FAM13B: variants seen among roughly 807,000 people sequenced by gnomAD.
The protein encoded by FAM13B is family with sequence similarity 13 member B, also known as protein FAM13B.
A neutral mutation model predicts 117.3 loss-of-function variants in FAM13B; 60 were observed. The observed-to-expected ratio is 0.51, with a 90% CI of 0.42 to 0.63. The LOEUF (loss-of-function observed/expected upper bound fraction) is 0.63. Ranked by LOEUF, FAM13B falls within the 30% of genes least tolerant of loss-of-function variation. The pLI is 0.00. For missense variants in FAM13B, 972 were observed against 1,091.9 expected (o/e 0.89, Z 1.55); for synonymous variants, 332 against 356.1 (o/e 0.93, Z 0.76).
intron 10 of FAM13B, among the ~76,000 whole-genome samples, chr5:137,974,001 T>C (rs1475121910): frequency 2.1e-5 from 3 of 139,684 alleles, no homozygotes; most frequent in Non-Finnish European, 3.1e-5. Context: ...TTTTACACTG[T>C]TGGTGGGACT....
chr5:137,941,084 T>C (rs958942267), intron 23 of FAM13B, among the ~76,000 whole-genome samples: 4 of 152,066 alleles, frequency 2.6e-5, no homozygotes, highest in African/African-American at 9.7e-5. Flanking sequence ...TTTTTTTGTA[T>C]TTTTCGGTAG....
intron 11 of FAM13B, 134 bp downstream of exon 11, chr5:137,962,271 A>G (rs1309692558): frequency 5.8e-6 from 4 of 685,978 alleles, no homozygotes; most frequent in East Asian, 5.5e-5. Flanking sequence ...GCCTACCATT[A>G]TAACAAGAAG....
chr5:138,024,195 G>C (rs1787545907), intron 1 of FAM13B, among the ~76,000 whole-genome samples: 1 of 151,828 alleles, frequency 6.6e-6, no homozygotes, highest in African/African-American at 2.4e-5. Context: ...CTGGAAATAA[G>C]GTCTTTGCAG....
chr5:137,993,460 A>T (rs1779136115), intron 7 of FAM13B, among the ~76,000 whole-genome samples: 1 of 151,858 alleles, frequency 6.6e-6, no homozygotes, highest in Non-Finnish European at 1.5e-5. Context: ...AACCGCATCT[A>T]TTTTTTTAAT....
At chr5:137,979,233 G>A (rs1055588981) in intron 10 of FAM13B, among the ~76,000 whole-genome samples, 9 of 152,034 alleles carry the variant, frequency 5.9e-5, no homozygotes, top group East Asian at 3.9e-4. Flanking sequence ...GGCTGGTCTC[G>A]AACTCCTGAC....
rs561931272 is a variant in FAM13B at position 137,986,314 on chromosome 5, T to A, written c.1047-925A>T. Among the ~76,000 whole-genome samples, 8 of 152,168 alleles carry A rather than the reference T, an allele frequency of 5.3e-5. No homozygotes were observed. In the South Asian group the frequency reaches 1.4e-3, roughly 28 times the overall value. On this transcript the variant is annotated intron_variant, in intron 9 of 23. Coordinates refer to ENST00000689681, the MANE Select transcript of FAM13B (RefSeq NM_001385994.1). ...TTTTCATTTTATATTTGATAGCTATTCTAGTTAGCCCTTTTAAAAACTGTC... is the reference window on the plus strand; with the variant it reads ...TTTTCATTTTATATTTGATAGCTATACTAGTTAGCCCTTTTAAAAACTGTC...
At chr5:137,997,842 C>G (rs1258806728) in intron 7 of FAM13B, among the ~76,000 whole-genome samples, 1 of 152,224 alleles carries the variant, frequency 6.6e-6, no homozygotes, top group African/African-American at 2.4e-5. Context: ...TACCTTCATA[C>G]TGTATGCCTT....
intron 23 of FAM13B, 98 bp from the exon 24 acceptor site, chr5:137,940,446 G>A: frequency 6.1e-5 from 37 of 609,448 alleles, no homozygotes; most frequent in Middle Eastern, 3.6e-4. Context: ...CTAAACATAA[G>A]TTCAAATAAA....
chr5:137,981,131 C>G (rs1260801240), intron 10 of FAM13B, among the ~76,000 whole-genome samples: 1 of 136,092 alleles, frequency 7.3e-6, no homozygotes, highest in Non-Finnish European at 1.5e-5. Context: ...GATGGGTTCT[C>G]CTCCTTACAT....
chr5:138,001,456 T>C lies in FAM13B; in HGVS notation c.848+5534A>G, dbSNP rs536293276. Among the ~76,000 whole-genome samples the C allele has an allele frequency of 5.9e-5, 9 of 152,228 alleles. No individual in the cohort carries two copies. The South Asian group carries it at 6.2e-4, about 11-fold the overall frequency. On this transcript the variant is annotated intron_variant, in intron 7 of 23. Transcript: ENST00000689681. ...TGTCTCAGAACACTGACACATTTGC[T>C]ATATATGTAATTTTAATCATATTAA...
Position 137,962,472 on chromosome 5 carries a change from G to A in FAM13B, c.1180-3C>T. On this transcript the variant is annotated splice_polypyrimidine_tract_variant and splice_region_variant and intron_variant, in intron 10 of 23. Transcript: ENST00000689681. The stretch of plus-strand genomic sequence containing the variant: ...GGCTCTAACAATATACCTACAGACT[G>A]ACAAAAAGAACACTACCATGTATTA... 1 of 1,611,580 alleles carries A rather than the reference G, an allele frequency of 6.2e-7. No homozygotes were observed. Among genetic ancestry groups the A allele is most frequent in the Non-Finnish European group, 8.5e-7 (1 of 1,178,888 alleles).
chr5:138,028,395 A>T (rs1789000062), intron 1 of FAM13B, among the ~76,000 whole-genome samples: 1 of 152,184 alleles, frequency 6.6e-6, no homozygotes, highest in Non-Finnish European at 1.5e-5. Context: ...TCATTTTTTC[A>T]GGTAAGGGGT....
chr5:138,012,094 G>A, intron 4 of FAM13B, 149 bp from the exon 5 acceptor site: 1 of 535,910 alleles, frequency 1.9e-6, no homozygotes, highest in Non-Finnish European at 3.2e-6. Context: ...AAATGCCTTA[G>A]GGCTTTGTAT....
chr5:138,006,850 A>C (rs556156335), intron 7 of FAM13B, 140 bp downstream of exon 7: 2 of 771,350 alleles, frequency 2.6e-6, no homozygotes, highest in African/African-American at 3.5e-5. Context: ...CTGCATCTTT[A>C]AATTTTACTT....
intron 7 of FAM13B, among the ~76,000 whole-genome samples, chr5:137,993,805 G>A (rs997685520): frequency 2.0e-5 from 3 of 151,654 alleles, no homozygotes; most frequent in Admixed American, 6.6e-5. Context: ...TAAATAAATA[G>A]AATAAAATAA....
intron 1 of FAM13B, among the ~76,000 whole-genome samples, chr5:138,029,248 T>G (rs1192799379): frequency 1.3e-5 from 2 of 152,212 alleles, no homozygotes; most frequent in Non-Finnish European, 2.9e-5. Flanking sequence ...AGTTACTGAA[T>G]TAGCAACTAG....
chr5:138,006,864 G>A (rs1294544466), intron 7 of FAM13B, 126 bp downstream of exon 7: 13 of 891,440 alleles, frequency 1.5e-5, no homozygotes, highest in Admixed American at 6.0e-5. Flanking sequence ...TTTACTTCTT[G>A]CTCTTTTTCA....
chr5:138,032,433 C>T (rs1790345213), intron 1 of FAM13B, among the ~76,000 whole-genome samples: 1 of 152,206 alleles, frequency 6.6e-6, no homozygotes, highest in Non-Finnish European at 1.5e-5. Context: ...AGAGGCGCAG[C>T]GCCAGCGGGC....
rs1253932919 is a variant in FAM13B, at chr5:137,976,651, C to T, written c.1179+8606G>A. On this transcript the variant is annotated intron_variant, in intron 10 of 23. Transcript: ENST00000689681. ...CATTTATTAGTTCCCCAAATTAATACTTTTATAATTTCTTATGCCTGTCTT... is the reference window on the plus strand; with the variant it reads ...CATTTATTAGTTCCCCAAATTAATATTTTTATAATTTCTTATGCCTGTCTT... Among the ~76,000 whole-genome samples the T allele has an allele frequency of 3.9e-5, 6 of 152,268 alleles. No homozygotes were observed. The East Asian group carries it at 1.2e-3, about 29-fold the overall frequency.
Sources: allele counts gnomAD v4.1 joint callset (sites outside exome capture counted in the v4.1 genomes callset), GRCh38; gene constraint gnomAD v4.1.1; transcripts MANE v1.5; gene names NCBI Gene and HGNC (gene_info 2026-07-23, HGNC 2026-07-21).